PSAP: variants seen among roughly 807,000 people sequenced by gnomAD.
The protein encoded by PSAP is prosaposin, also known as precursor of saposins.
Under a neutral mutation model 66.0 loss-of-function variants are expected in PSAP, and 25 were observed. That is an observed-to-expected ratio of 0.38 (90% CI 0.28 to 0.53). The LOEUF (loss-of-function observed/expected upper bound fraction) is 0.53. Ranked by LOEUF, PSAP falls within the 20% of genes least tolerant of loss-of-function variation. The pLI is 0.83. For synonymous variants in PSAP, 273 were observed against 258.9 expected (o/e 1.05, Z -0.52); for missense variants, 649 against 668.8 (o/e 0.97, Z 0.33).
chr10:71,826,707 C>T (rs1376755801), intron 6 of PSAP, among the ~76,000 whole-genome samples: 2 of 150,694 alleles, frequency 1.3e-5, no homozygotes, highest in Non-Finnish European at 2.9e-5. Context: ...TGCCACCGCA[C>T]TCCAGCCTGG....
chr10:71,826,123 TTTC>T (rs1330101018), intron 6 of PSAP, among the ~76,000 whole-genome samples: 1 of 152,246 alleles, frequency 6.6e-6, no homozygotes, highest in Non-Finnish European at 1.5e-5. Context: ...TTTGAAAATG[TTTC>T]TTAAGGGACC....
At chr10:71,824,064 C>A (rs934939391) in intron 7 of PSAP, among the ~76,000 whole-genome samples, 5 of 152,160 alleles carry the variant, frequency 3.3e-5, no homozygotes, top group Non-Finnish European at 5.9e-5. Flanking sequence ...CTACCTTGTT[C>A]CTGCTATCTT....
chr10:71,835,980 C>T (rs1402178725), intron 1 of PSAP, among the ~76,000 whole-genome samples: 1 of 152,090 alleles, frequency 6.6e-6, no homozygotes. Flanking sequence ...GTTCTTCCTC[C>T]AGGAGAGGGT....
chr10:71,825,639 T>G, intron 7 of PSAP, 198 bp downstream of exon 7: 1 of 689,122 alleles, frequency 1.5e-6, no homozygotes. Context: ...TCAAGATGCT[T>G]CAGCCTGCCT....
chr10:71,816,879 G>A lies in PSAP; in HGVS notation c.*562C>T, dbSNP rs1182379381. ...CTGATGTCCCAAGCCACCAGCAGCT[G>A]CTTCCAAAATCCCTATGCTATTACA... On this transcript the variant is annotated 3_prime_UTR_variant, in exon 14 of 14. Coordinates refer to ENST00000394936, the MANE Select transcript of PSAP (RefSeq NM_002778.4). 1 of 188,046 alleles carries A rather than the reference G, an allele frequency of 5.3e-6. No homozygotes were observed. Among genetic ancestry groups the A allele is most frequent in the Admixed American group, 5.3e-5 (1 of 18,760 alleles). 11.6% of individuals were successfully genotyped at this position (188,046 alleles called of 1,614,324 possible).
At chr10:71,844,261 T>C (rs1235686969) in intron 1 of PSAP, among the ~76,000 whole-genome samples, 2 of 152,250 alleles carry the variant, frequency 1.3e-5, no homozygotes, top group African/African-American at 4.8e-5. Flanking sequence ...CTTAGACATA[T>C]GCCCTAGATA....
At chr10:71,843,048 A>AAC (rs1302544706) in intron 1 of PSAP, among the ~76,000 whole-genome samples, 1 of 152,142 alleles carries the variant, frequency 6.6e-6, no homozygotes, top group African/African-American at 2.4e-5. Flanking sequence ...CGATCAAGAC[A>AAC]ACACACACAT....
At position 71,821,928 on chromosome 10, in the gene PSAP, T is replaced by C. The variant is rs1842307517; in HGVS notation, c.857A>G (p.Lys286Arg). The stretch of plus-strand genomic sequence containing the variant: ...AGGGATGACATTCTTGGAGGCCACT[T>C]TGGCGGGGACCAGAGTCTGCATGGG... ...EMPMQTLVPA[K>R]VASKNVIPAL... Residue 286 changes from lysine to arginine, a missense_variant, in exon 8 of 14, where the codon AAA becomes AGA. By Grantham distance (26) the Lys-to-Arg change is conservative (BLOSUM62 2). Coordinates refer to ENST00000394936, the MANE Select transcript of PSAP (RefSeq NM_002778.4). The C allele has an allele frequency of 1.2e-6, 2 of 1,614,196 alleles. No homozygotes were observed. Among genetic ancestry groups the C allele is most frequent in the East Asian group, 2.2e-5 (1 of 44,884 alleles).
intron 2 of PSAP, 150 bp downstream of exon 2, chr10:71,834,222 A>G (rs1019221676): frequency 1.5e-6 from 2 of 1,300,350 alleles, no homozygotes; most frequent in Admixed American, 3.9e-5. Context: ...ACATTCACCA[A>G]TAGGTCCTGC....
intron 7 of PSAP, 117 bp from the exon 8 acceptor site, chr10:71,822,124 T>G: frequency 2.1e-6 from 3 of 1,400,354 alleles, no homozygotes; most frequent in South Asian, 2.4e-5. Context: ...CAAGGCTACC[T>G]CCCTCTCCCC....
chr10:71,818,515 C>T (rs893283256), intron 13 of PSAP, 102 bp downstream of exon 13: 1 of 1,028,910 alleles, frequency 9.7e-7, no homozygotes, highest in East Asian at 2.4e-5. Context: ...AACATAAAAG[C>T]AGGGTGGAGA....
rs375720661 is a variant in PSAP, at chr10:71,851,249, T to C, written c.-28A>G. 31 of 1,550,362 alleles carry C rather than the reference T, an allele frequency of 2.0e-5. 1 individual carries two copies. The South Asian group carries it at 2.6e-4, about 13-fold the overall frequency. On this transcript the variant is annotated 5_prime_UTR_variant, in exon 1 of 14. Coordinates refer to ENST00000394936, the MANE Select transcript of PSAP (RefSeq NM_002778.4). Reference sequence around the variant, plus strand: ...CGCCGTCTGACTCCGCAGTCTGCAATGCGGAGCGTCAGCTGATCCCCCGCA... The same window carrying C: ...CGCCGTCTGACTCCGCAGTCTGCAACGCGGAGCGTCAGCTGATCCCCCGCA...
At chr10:71,834,326 C>T (rs1195705719) in intron 2 of PSAP, 46 bp downstream of exon 2, 2 of 1,611,148 alleles carry the variant, frequency 1.2e-6, no homozygotes, top group Non-Finnish European at 1.7e-6. Flanking sequence ...TCTAAGGGGA[C>T]CCAAGAGGAG....
In PSAP at chr10:71,851,232, G is replaced by A. The variant is rs28365839; in HGVS notation, c.-11C>T. 3.9e-6 allele frequency: 6 copies of A among 1,550,982 alleles called. No individual in the cohort carries two copies. Among genetic ancestry groups the A allele is most frequent in the East Asian group, 4.9e-5 (2 of 40,918 alleles). On this transcript the variant is annotated 5_prime_UTR_variant, in exon 1 of 14. Coordinates refer to ENST00000394936, the MANE Select transcript of PSAP (RefSeq NM_002778.4). ...GAAGAGGGCGTACATAGCGCCGTCT[G>A]ACTCCGCAGTCTGCAATGCGGAGCG...
At chr10:71,826,026 TG>T (rs1842394592) in intron 6 of PSAP, 133 bp from the exon 7 acceptor site, 2 of 755,308 alleles carry the variant, frequency 2.6e-6, no homozygotes, top group Middle Eastern at 3.0e-4. Context: ...TAGAATTTTA[TG>T]AATGTCTGCT....
chr10:71,829,102 C>A (rs900710275), intron 4 of PSAP, 25 bp from the exon 5 acceptor site: 5 of 1,601,046 alleles, frequency 3.1e-6, no homozygotes, highest in Non-Finnish European at 4.3e-6. Context: ...AGAAGTCCTG[C>A]TGAAAATCCT....
At chr10:71,848,534 T>C (rs1319295706) in intron 1 of PSAP, among the ~76,000 whole-genome samples, 1 of 151,802 alleles carries the variant, frequency 6.6e-6, no homozygotes, top group Non-Finnish European at 1.5e-5. Flanking sequence ...CGCTTTTAGG[T>C]GGGGAAAAAG....
Position 71,817,275 on chromosome 10 carries a change from C to A in PSAP, c.*166G>T, listed in dbSNP as rs1842186370. The A allele has an allele frequency of 1.3e-6, 1 of 794,558 alleles. No individual in the cohort carries two copies. Among genetic ancestry groups the A allele is most frequent in the Non-Finnish European group, 2.2e-6 (1 of 451,214 alleles). The allele number at this position is 794,558 out of a possible 1,614,324, so 49.2% of individuals were successfully genotyped here. A position where few individuals can be genotyped will look rare whatever the true frequency, so the allele number is the denominator to read the frequency against. On this transcript the variant is annotated 3_prime_UTR_variant, in exon 14 of 14. Coordinates refer to ENST00000394936, the MANE Select transcript of PSAP (RefSeq NM_002778.4). ...AGCTATGTCTGCCAGGGGCTAGGGG[C>A]TCCCTTGCAGACAGCAATGCTACAA...
At chr10:71,818,889 TG>T in intron 12 of PSAP, 141 bp downstream of exon 12, 1 of 1,024,140 alleles carries the variant, frequency 9.8e-7, no homozygotes, top group Non-Finnish European at 1.5e-6. Flanking sequence ...CTTGGGGGGC[TG>T]GCTCCCTACC....
Sources: gnomAD v4.1 joint callset for allele counts (sites outside exome capture counted in the v4.1 genomes callset) on GRCh38, gnomAD v4.1.1 for gene constraint, MANE v1.5 for transcripts, NCBI Gene and HGNC (gene_info 2026-07-23, HGNC 2026-07-21) for gene names.